KIF26B: variants seen among roughly 807,000 people sequenced by gnomAD.
The protein encoded by KIF26B is kinesin-like protein KIF26B.
In KIF26B, 63 loss-of-function variants were observed where a neutral mutation model predicts 151.2. The ratio of observed to expected loss-of-function variants is 0.42; its 90% CI spans 0.34 to 0.51. KIF26B has a LOEUF of 0.51. Ranked by LOEUF, KIF26B falls within the 20% of genes least tolerant of loss-of-function variation. The pLI, the probability that KIF26B is intolerant of heterozygous loss-of-function variation, is 0.07. For missense variants in KIF26B, 2,813 were observed against 2,913.6 expected (o/e 0.97, Z 0.79); for synonymous variants, 1,357 against 1,262.1 (o/e 1.08, Z -1.59).
At chr1:245,668,908 C>T (rs950212948) in intron 10 of KIF26B, among the ~76,000 whole-genome samples, 4 of 152,056 alleles carry the variant, frequency 2.6e-5, no homozygotes, top group African/African-American at 9.7e-5. Flanking sequence ...CCAGGCTGGT[C>T]GCGAACTCCC....
At position 245,545,611 on chromosome 1, in the gene KIF26B, A is replaced by G. The variant is rs143517074; in HGVS notation, c.1350+4661A>G. On this transcript the variant is annotated intron_variant, in intron 5 of 14. Coordinates refer to ENST00000407071, the MANE Select transcript of KIF26B (RefSeq NM_018012.4). ...GAAAAATCAGGATTGTAGGCTTAAA[A>G]TGATTCTGTCTCACTTTGAAGTTAC... 6.6e-5 allele frequency among the ~76,000 whole-genome samples: 10 copies of G among 152,358 alleles called. No individual in the cohort carries two copies. In the East Asian group the frequency reaches 1.9e-3, roughly 29 times the overall value.
chr1:245,243,290 G>A (rs891094806), intron 2 of KIF26B, among the ~76,000 whole-genome samples: 2 of 152,094 alleles, frequency 1.3e-5, no homozygotes, highest in African/African-American at 4.8e-5. Flanking sequence ...CATCTCCCTG[G>A]TTCCTGGTGA....
Position 245,241,383 on chromosome 1 carries a change from G to T in KIF26B, c.465+84700G>T, listed in dbSNP as rs1380839497. Among the ~76,000 whole-genome samples the T allele has an allele frequency of 5.3e-5, 8 of 152,186 alleles. No homozygotes were observed. The highest frequency in any genetic ancestry group is 1.2e-4 in the Non-Finnish European group (8 of 68,032). On this transcript the variant is annotated intron_variant, in intron 2 of 14. Transcript: ENST00000407071. The surrounding 1 kb of genome is among the most constrained non-coding windows in gnomAD (Gnocchi z 5.0). Reference sequence around the variant, plus strand: ...CTTCTCCAGAGCCTGCTGGCTGGAGGTTGGCTGTCCGTGGTGGTCTGGTTC... The same window carrying T: ...CTTCTCCAGAGCCTGCTGGCTGGAGTTTGGCTGTCCGTGGTGGTCTGGTTC...
Position 245,521,538 on chromosome 1 carries a change from A to G in KIF26B, c.1167-19229A>G, listed in dbSNP as rs567332430. On this transcript the variant is annotated intron_variant, in intron 4 of 14. Coordinates refer to ENST00000407071, the MANE Select transcript of KIF26B (RefSeq NM_018012.4). ...TGAGCTAGCGCAATCCTTGAGTATA[A>G]GTCTACCTCCACCTAGACCAATGTT... 2.6e-5 allele frequency among the ~76,000 whole-genome samples: 4 copies of G among 152,278 alleles called. No homozygotes were observed. The South Asian group carries it at 6.2e-4, about 24-fold the overall frequency.
Position 245,321,328 on chromosome 1 carries a change from T to C in KIF26B, c.466-45506T>C, listed in dbSNP as rs187714550. On this transcript the variant is annotated intron_variant, in intron 2 of 14. Transcript: ENST00000407071. Reference sequence around the variant, plus strand: ...TCAATAACAACGAACATTCACTGGTTTCTTTCCATCGAAGTTACATTTTTT... The same window carrying C: ...TCAATAACAACGAACATTCACTGGTCTCTTTCCATCGAAGTTACATTTTTT... Among the ~76,000 whole-genome samples, 315 of 152,372 alleles carry C rather than the reference T, an allele frequency of 2.1e-3. 3 individuals are homozygous for C. Among genetic ancestry groups the C allele is most frequent in the African/African-American group, 6.9e-3 (288 of 41,592 alleles).
At position 245,662,629 on chromosome 1, in the gene KIF26B, GTGAT is replaced by G. The variant is rs1558257616; in HGVS notation, c.2258+16350_2258+16353del. On this transcript the variant is annotated intron_variant, in intron 10 of 14. Coordinates refer to ENST00000407071, the MANE Select transcript of KIF26B (RefSeq NM_018012.4). Reference sequence around the variant, plus strand: ...GACACCCAATATATATACACACCCAGTGATATATACACACACACACATCCAATAC... The same window carrying G: ...GACACCCAATATATATACACACCCAGATATACACACACACACATCCAATAC... Among the ~76,000 whole-genome samples, 201 of 108,384 alleles carry G rather than the reference GTGAT, an allele frequency of 1.9e-3. 5 individuals are homozygous for G. Among genetic ancestry groups the G allele is most frequent in the South Asian group, 0.013 (36 of 2,868 alleles). 71.1% of individuals were successfully genotyped at this position (108,384 alleles called of 152,430 possible).
chr1:245,416,632 C>G (rs533357094), intron 3 of KIF26B, among the ~76,000 whole-genome samples: 53 of 152,170 alleles, frequency 3.5e-4, no homozygotes, highest in Non-Finnish European at 7.2e-4. Flanking sequence ...GAAGCATAGG[C>G]TGGAAGAAGG....
At chr1:245,542,260 G>A (rs1377459561) in intron 5 of KIF26B, among the ~76,000 whole-genome samples, 1 of 152,232 alleles carries the variant, frequency 6.6e-6, no homozygotes, top group Non-Finnish European at 1.5e-5. Context: ...GGCTAAGGAG[G>A]GAGGATCACT....
chr1:245,479,981 C>T (rs1036305344), intron 4 of KIF26B, among the ~76,000 whole-genome samples: 2 of 151,686 alleles, frequency 1.3e-5, no homozygotes, highest in Admixed American at 6.6e-5. Flanking sequence ...TAAAGCTGCC[C>T]GGCCAGGTGC....
chr1:245,640,420 G>C lies in KIF26B; in HGVS notation c.2099-5701G>C, dbSNP rs573341268. Among the ~76,000 whole-genome samples the C allele has an allele frequency of 5.9e-5, 9 of 151,600 alleles. No individual in the cohort carries two copies. The South Asian group carries it at 1.9e-3, about 32-fold the overall frequency. On this transcript the variant is annotated intron_variant, in intron 9 of 14. Coordinates refer to ENST00000407071, the MANE Select transcript of KIF26B (RefSeq NM_018012.4). ...ATGTGTGTCTCTATAGGTGAAGTTA[G>C]TTTATTGTAGGCAACATATACTTGG...
intron 2 of KIF26B, among the ~76,000 whole-genome samples, chr1:245,190,639 G>GTTTTTTTTTTTTTTTTTTTTTTTT (rs56019423): frequency 7.1e-6 from 1 of 140,118 alleles, no homozygotes. Flanking sequence ...GTTTTGTTTT[G>GTTTTTTTTTTTTTTTTTTTTTTTT]TTTTTTTTTT....
At chr1:245,189,600 T>G (rs902432279) in intron 2 of KIF26B, among the ~76,000 whole-genome samples, 2 of 152,214 alleles carry the variant, frequency 1.3e-5, no homozygotes, top group Non-Finnish European at 2.9e-5. Flanking sequence ...GAGAGTTTTC[T>G]TTCTCAAGGG....
chr1:245,265,421 A>T (rs188012824), intron 2 of KIF26B, among the ~76,000 whole-genome samples: 4 of 152,236 alleles, frequency 2.6e-5, no homozygotes, highest in African/African-American at 9.6e-5. Context: ...TAGTGCTGAG[A>T]CAACTTAAAA....
intron 4 of KIF26B, among the ~76,000 whole-genome samples, chr1:245,528,993 C>A (rs918706197): frequency 6.6e-6 from 1 of 152,114 alleles, no homozygotes; most frequent in Non-Finnish European, 1.5e-5. Flanking sequence ...GAGTGTGGCA[C>A]CAACTTGTCA....
intron 2 of KIF26B, among the ~76,000 whole-genome samples, chr1:245,332,606 C>T (rs943028667): frequency 6.6e-6 from 1 of 152,162 alleles, no homozygotes; most frequent in Admixed American, 6.5e-5. Context: ...ACTCCCACCC[C>T]CACTGCTGAC....
chr1:245,232,883 A>G (rs1192350685), intron 2 of KIF26B, among the ~76,000 whole-genome samples: 2 of 152,202 alleles, frequency 1.3e-5, no homozygotes, highest in Non-Finnish European at 2.9e-5. Flanking sequence ...CACGTTGCAC[A>G]TCAATATGTG....
At chr1:245,609,687 C>T (rs1288959782) in intron 8 of KIF26B, among the ~76,000 whole-genome samples, 159 bp downstream of exon 8, 1 of 152,162 alleles carries the variant, frequency 6.6e-6, no homozygotes, top group Admixed American at 6.5e-5. Context: ...GCTGTGGGGC[C>T]ATCGGCTTGC....
intron 2 of KIF26B, among the ~76,000 whole-genome samples, chr1:245,355,033 GC>G (rs1672658860): frequency 6.6e-6 from 1 of 152,130 alleles, no homozygotes; most frequent in Non-Finnish European, 1.5e-5. Flanking sequence ...CGATCCTCCT[GC>G]CTCAGCCTCC....
chr1:245,357,914 ATCTTTTT>A (rs1298926525), intron 2 of KIF26B, among the ~76,000 whole-genome samples: 4 of 152,104 alleles, frequency 2.6e-5, no homozygotes, highest in African/African-American at 9.7e-5. Context: ...TTAAAATTCC[ATCTTTTT>A]TCTTTTTTGT....
Sources: allele counts gnomAD v4.1 joint callset (sites outside exome capture counted in the v4.1 genomes callset), GRCh38; gene constraint gnomAD v4.1.1; non-coding constraint Gnocchi (gnomAD v3.1); transcripts MANE v1.5; gene names NCBI Gene and HGNC (gene_info 2026-07-23, HGNC 2026-07-21).